ACBD5: variants seen among roughly 807,000 people sequenced by gnomAD.
ACBD5 encodes acyl-CoA-binding domain-containing protein 5.
ACBD5 carries 40 observed loss-of-function variants against 71.8 expected under a neutral mutation model. The ratio of observed to expected loss-of-function variants is 0.56; its 90% confidence interval spans 0.43 to 0.72. ACBD5 has a LOEUF of 0.72. ACBD5 is among the 30% of genes least tolerant of loss of function. The pLI is 0.00. For synonymous variants in ACBD5, 229 were observed against 218.6 expected, an observed-to-expected ratio of 1.05 and a Z score of -0.42; for missense variants, 559 against 644.5, an observed-to-expected ratio of 0.87 and a Z score of 1.44.
intron 5 of ACBD5, among the ~76,000 whole-genome samples, chr10:27,221,374 A>G (rs1323849679): frequency 6.6e-6 from 1 of 152,208 alleles, no homozygotes; most frequent in Non-Finnish European, 1.5e-5. Flanking sequence ...TTTTTAGTTC[A>G]TATCAGACAG....
intron 12 of ACBD5, among the ~76,000 whole-genome samples, chr10:27,199,174 G>A (rs2059660950): frequency 6.6e-6 from 1 of 151,146 alleles, no homozygotes. Context: ...ATTTGGTCTC[G>A]ATGAACCCCC....
At chr10:27,231,377 T>G (rs1022673635) in intron 4 of ACBD5, among the ~76,000 whole-genome samples, 1 of 151,988 alleles carries the variant, frequency 6.6e-6, no homozygotes, top group African/African-American at 2.4e-5. Context: ...ATTAGCTGGG[T>G]GTAGTGGTGT....
upstream of ACBD5, among the ~76,000 whole-genome samples, chr10:27,241,827 T>C (rs1341071766): frequency 1.3e-5 from 2 of 152,142 alleles, no homozygotes; most frequent in African/African-American, 4.8e-5. Flanking sequence ...TTCAACTTAC[T>C]AGCGCAACCC....
At chr10:27,208,521 C>T in intron 9 of ACBD5, 76 bp from the exon 10 acceptor site, 1 of 1,524,940 alleles carries the variant, frequency 6.6e-7, no homozygotes. Context: ...TCATTTTCCT[C>T]TGTTATTTCT....
At chr10:27,218,734 C>T (rs528956330) in intron 6 of ACBD5, among the ~76,000 whole-genome samples, 21 of 151,940 alleles carry the variant, frequency 1.4e-4, no homozygotes, top group African/African-American at 5.1e-4. Flanking sequence ...TACAGGCGCC[C>T]GCCACTATGC....
rs1564530134 is a variant in ACBD5 at position 27,195,577 on chromosome 10, T to C, written c.*1853A>G. 1 of 450,176 alleles carries C rather than the reference T, an allele frequency of 2.2e-6. No homozygotes were observed. The highest frequency in any genetic ancestry group is 7.0e-5 in the East Asian group (1 of 14,376). 27.9% of individuals were successfully genotyped at this position (450,176 alleles called of 1,614,324 possible). A position where few individuals can be genotyped will look rare whatever the true frequency, so the allele number is the denominator to read the frequency against. ...ATTGATATCTCATTTTTGAAAATAA[T>C]CTTTGATCCACAGGTCTAAATGTTA... On this transcript the variant is annotated 3_prime_UTR_variant, in exon 13 of 13. Coordinates refer to ENST00000396271, the MANE Select transcript of ACBD5 (RefSeq NM_145698.5).
chr10:27,240,784 G>C lies in ACBD5; in HGVS notation c.-96C>G, dbSNP rs1193317664. On this transcript the variant is annotated 5_prime_UTR_variant, in exon 1 of 13. Coordinates refer to ENST00000396271, the MANE Select transcript of ACBD5 (RefSeq NM_145698.5). The surrounding 1 kb of genome is among the most constrained non-coding windows in gnomAD (Gnocchi z 4.1). ...GCGGAGCAGCCACACCCCCCATTCC[G>C]CCGGAGTCCGTCTGTCAGTCCGTGC... 6.5e-7 allele frequency: 1 copy of C among 1,526,822 alleles called. No individual in the cohort carries two copies. Among genetic ancestry groups the C allele is most frequent in the Non-Finnish European group, 8.9e-7 (1 of 1,126,956 alleles). 94.6% of individuals were successfully genotyped at this position (1,526,822 alleles called of 1,614,324 possible). A position where few individuals can be genotyped will look rare whatever the true frequency, so the allele number is the denominator to read the frequency against.
chr10:27,227,631 C>G (rs2063251352), intron 4 of ACBD5, among the ~76,000 whole-genome samples: 1 of 152,178 alleles, frequency 6.6e-6, no homozygotes, highest in South Asian at 2.1e-4. Context: ...CCTCAGTACT[C>G]AGAGACAGTT....
intron 13 of ACBD5, among the ~76,000 whole-genome samples, chr10:27,189,883 A>C (rs1242284227): frequency 6.6e-6 from 1 of 152,046 alleles, no homozygotes; most frequent in Non-Finnish European, 1.5e-5. Flanking sequence ...TTAAAGGAAA[A>C]TGTTTTATTC....
At chr10:27,187,751 CAA>C (rs11442040) in intron 13 of ACBD5, among the ~76,000 whole-genome samples, 15 of 139,402 alleles carry the variant, frequency 1.1e-4, no homozygotes, top group African/African-American at 2.9e-4. Context: ...GACTCAGTCT[CAA>C]AAAAAAAAAA....
chr10:27,213,895 T>G (rs1289497697), intron 8 of ACBD5, among the ~76,000 whole-genome samples: 1 of 152,072 alleles, frequency 6.6e-6, no homozygotes, highest in Non-Finnish European at 1.5e-5. Flanking sequence ...CTATTCACAA[T>G]AGCCAAGATT....
chr10:27,214,039 T>C (rs895102680), intron 8 of ACBD5, among the ~76,000 whole-genome samples: 2 of 152,184 alleles, frequency 1.3e-5, no homozygotes, highest in Non-Finnish European at 2.9e-5. Flanking sequence ...TTGGAAGATA[T>C]TATGTTTAGT....
intron 8 of ACBD5, among the ~76,000 whole-genome samples, chr10:27,214,571 A>G: frequency 6.6e-6 from 1 of 151,396 alleles, no homozygotes. Flanking sequence ...AAAAATTAAA[A>G]TACTGCTATC....
At chr10:27,204,944 G>A (rs879696844) in intron 11 of ACBD5, among the ~76,000 whole-genome samples, 20 of 152,234 alleles carry the variant, frequency 1.3e-4, no homozygotes, top group African/African-American at 4.3e-4. Flanking sequence ...TGGCTAACAT[G>A]GTGAAACCCT....
Position 27,231,773 on chromosome 10 carries a change from A to G in ACBD5, c.350T>C (p.Ile117Thr), listed in dbSNP as rs755196452. 10 of 1,613,710 alleles carry G rather than the reference A, an allele frequency of 6.2e-6. No individual in the cohort carries two copies. In the African/African-American group the frequency reaches 1.1e-4, roughly 17 times the overall value. Residue 117 changes from isoleucine (I) to threonine (T), a missense_variant, in exon 4 of 13, where the codon ATT (isoleucine) becomes ACT (threonine). Transcript: ENST00000396271. ...LGDMTKEEAMIAYVEEMKKII... is the reference protein window; with the variant it reads ...LGDMTKEEAMTAYVEEMKKII... ...CTTTTTCATTTCTTCAACATATGCAATCATGGCTTCCTCTTTGGTCATATC... is the reference window on the plus strand; with the variant it reads ...CTTTTTCATTTCTTCAACATATGCAGTCATGGCTTCCTCTTTGGTCATATC...
At chr10:27,212,852 G>A (rs1349106451) in intron 8 of ACBD5, among the ~76,000 whole-genome samples, 2 of 151,962 alleles carry the variant, frequency 1.3e-5, no homozygotes, top group Non-Finnish European at 2.9e-5. Flanking sequence ...ACCAGCCTAC[G>A]CCACTCCATT....
At chr10:27,218,777 G>A (rs1467539337) in intron 6 of ACBD5, among the ~76,000 whole-genome samples, 1 of 151,802 alleles carries the variant, frequency 6.6e-6, no homozygotes, top group Non-Finnish European at 1.5e-5. Context: ...GTAGAGACGG[G>A]GTTTCACCAT....
chr10:27,213,814 T>C (rs1008599459), intron 8 of ACBD5, among the ~76,000 whole-genome samples: 4 of 151,988 alleles, frequency 2.6e-5, no homozygotes, highest in African/African-American at 7.2e-5. Context: ...ATTCCACTGC[T>C]GGCTGTATAC....
At chr10:27,197,526 C>G (rs2059479579) in intron 12 of ACBD5, 84 bp from the exon 13 acceptor site, 1 of 1,076,362 alleles carries the variant, frequency 9.3e-7, no homozygotes, top group Non-Finnish European at 1.4e-6. Context: ...TAATAACATA[C>G]AAATTCAAAA....
Sources: gnomAD v4.1 joint callset for allele counts (sites outside exome capture counted in the v4.1 genomes callset) on GRCh38, gnomAD v4.1.1 for gene constraint, Gnocchi (gnomAD v3.1) non-coding constraint, MANE v1.5 for transcripts, NCBI Gene and HGNC (gene_info 2026-07-23, HGNC 2026-07-21) for gene names.